The following RPAP2 variants were observed in gnomAD, a reference collection of about 807,000 sequenced individuals.
RPAP2 encodes RNA polymerase II associated protein 2.
Under a neutral mutation model 73.1 loss-of-function variants are expected in RPAP2, and 52 were observed. The ratio of observed to expected loss-of-function variants is 0.71; its 90% CI spans 0.57 to 0.90. The LOEUF is 0.90. Ranked by LOEUF, RPAP2 falls within the 40% of genes least tolerant of loss-of-function variation. The pLI is 0.00. For synonymous variants in RPAP2, 225 were observed against 242.1 expected (o/e 0.93, Z 0.65); for missense variants, 598 against 701.8 (o/e 0.85, Z 1.67).
chr1:92,299,389 G>A (rs1477799144), intron 1 of RPAP2, among the ~76,000 whole-genome samples: 1 of 152,164 alleles, frequency 6.6e-6, no homozygotes, highest in Non-Finnish European at 1.5e-5. Context: ...CCCAGCCTCT[G>A]AGACAAAGGA....
intron 9 of RPAP2, among the ~76,000 whole-genome samples, chr1:92,335,232 C>T (rs1479042544): frequency 6.6e-6 from 1 of 152,134 alleles, no homozygotes; most frequent in Non-Finnish European, 1.5e-5. Flanking sequence ...TATGCCACTG[C>T]ACTCCAGCCT....
intron 8 of RPAP2, among the ~76,000 whole-genome samples, chr1:92,332,434 T>C (rs138848285): frequency 0.014 from 2,110 of 152,262 alleles, 58 homozygotes; most frequent in African/African-American, 0.047. Flanking sequence ...TCCCTGAGGA[T>C]TGATCTCTGT....
rs1553155668 is a variant in RPAP2 at position 92,371,315 on chromosome 1, A to AT, written c.1689-9409_1689-9408insT. Among the ~76,000 whole-genome samples the AT allele has an allele frequency of 3.6e-3, 141 of 39,286 alleles. 1 individual carries two copies. Among genetic ancestry groups the AT allele is most frequent in the East Asian group, 0.067 (2 of 30 alleles). 25.8% of individuals were successfully genotyped at this position (39,286 alleles called of 152,430 possible). A position where few individuals can be genotyped will look rare whatever the true frequency, so the allele number is the denominator to read the frequency against. ...GTGAGTCTCTGTCTCAAAAAAAAAA[A>AT]AAAAATATATATATATATATATACC... On this transcript the variant is annotated intron_variant, in intron 11 of 12. Transcript: ENST00000610020.
rs548680661 is a variant in RPAP2, at chr1:92,377,789, C to T, written c.1689-2935C>T. The stretch of plus-strand genomic sequence containing the variant: ...TTTGTGTTTGTTTGTTTCCTCCTAC[C>T]TAAAGTTTCTCATTAATCCAAGGAT... On this transcript the variant is annotated intron_variant, in intron 11 of 12. Coordinates refer to ENST00000610020, the MANE Select transcript of RPAP2 (RefSeq NM_024813.3). 4.4e-4 allele frequency among the ~76,000 whole-genome samples: 67 copies of T among 152,248 alleles called. 1 individual carries two copies. Among genetic ancestry groups the T allele is most frequent in the East Asian group, 9.7e-4 (5 of 5,178 alleles).
At chr1:92,343,151 G>A (rs1653691743) in intron 10 of RPAP2, among the ~76,000 whole-genome samples, 2 of 152,174 alleles carry the variant, frequency 1.3e-5, no homozygotes. Flanking sequence ...AAGGTCCAAG[G>A]AGAGTGCTCA....
At chr1:92,343,128 A>T (rs1030107379) in intron 10 of RPAP2, among the ~76,000 whole-genome samples, 2 of 152,184 alleles carry the variant, frequency 1.3e-5, no homozygotes, top group Non-Finnish European at 1.5e-5. Context: ...GCCCTGGGAC[A>T]CTCCAGTATT....
At chr1:92,361,348 A>G (rs944207837) in intron 11 of RPAP2, among the ~76,000 whole-genome samples, 1 of 152,166 alleles carries the variant, frequency 6.6e-6, no homozygotes, top group Non-Finnish European at 1.5e-5. Context: ...CCTAGTGCCA[A>G]GCACTTACTC....
intron 11 of RPAP2, among the ~76,000 whole-genome samples, chr1:92,350,492 A>G (rs1014245843): frequency 1.3e-5 from 2 of 152,182 alleles, no homozygotes; most frequent in African/African-American, 4.8e-5. Context: ...TTACTCTTAG[A>G]TCTGATTTTG....
intron 7 of RPAP2, 84 bp from the exon 8 acceptor site, chr1:92,323,361 T>C: frequency 2.1e-6 from 2 of 935,642 alleles, no homozygotes; most frequent in South Asian, 1.8e-5. Flanking sequence ...GTATAAATAC[T>C]ATGGGGTACT....
intron 11 of RPAP2, among the ~76,000 whole-genome samples, chr1:92,368,394 T>G (rs1655014275): frequency 6.6e-6 from 1 of 151,876 alleles, no homozygotes; most frequent in Non-Finnish European, 1.5e-5. Context: ...AAGAAAAAAA[T>G]CCAAGTTCGT....
rs1342272417 is a variant in RPAP2 at position 92,398,595 on chromosome 1, AG to A, written c.*11587del. The A allele has an allele frequency of 6.6e-6, 1 of 152,258 alleles. No individual in the cohort carries two copies. The highest frequency in any genetic ancestry group is 1.5e-5 in the Non-Finnish European group (1 of 68,082). 9.4% of individuals were successfully genotyped at this position (152,258 alleles called of 1,614,324 possible). ...CTAGAAGCACATTTTTGTTGGACTG[AG>A]GGTGGGGCAAGGAGCAGGGGTGACT... On this transcript the variant is annotated 3_prime_UTR_variant, in exon 13 of 13. Transcript: ENST00000610020.
At chr1:92,372,995 C>G (rs147443261) in intron 11 of RPAP2, among the ~76,000 whole-genome samples, 4 of 152,324 alleles carry the variant, frequency 2.6e-5, no homozygotes, top group Admixed American at 6.5e-5. Context: ...TCCTCTTAAA[C>G]TAGTTCTTCA....
rs1656250649 is a variant in RPAP2 at position 92,398,952 on chromosome 1, G to C, written c.*11941G>C. 6.6e-6 allele frequency: 1 copy of C among 152,222 alleles called. No individual in the cohort carries two copies. Among genetic ancestry groups the C allele is most frequent in the South Asian group, 2.1e-4 (1 of 4,834 alleles). The allele number at this position is 152,222 out of a possible 1,614,324, so 9.4% of individuals were successfully genotyped here. ...AACTTTTGTAAAAGGTCCACACCCA[G>C]CCAGTTTTCTACTCTCTAAATGTTC... is the stretch of plus-strand genomic sequence containing the variant. On this transcript the variant is annotated 3_prime_UTR_variant, in exon 13 of 13. Coordinates refer to ENST00000610020, the MANE Select transcript of RPAP2 (RefSeq NM_024813.3).
intron 6 of RPAP2, among the ~76,000 whole-genome samples, chr1:92,314,226 A>G (rs1170606103): frequency 6.6e-6 from 1 of 152,146 alleles, no homozygotes; most frequent in Admixed American, 6.5e-5. Flanking sequence ...CACTAAGCTT[A>G]ATCATTTCTA....
At chr1:92,316,320 CTG>C (rs1336999364) in intron 6 of RPAP2, among the ~76,000 whole-genome samples, 3 of 152,156 alleles carry the variant, frequency 2.0e-5, no homozygotes, top group Non-Finnish European at 4.4e-5. Flanking sequence ...ACAGCCACCT[CTG>C]TTGCTTGGTA....
intron 11 of RPAP2, among the ~76,000 whole-genome samples, chr1:92,368,647 CTT>C (rs752337192): frequency 5.9e-5 from 9 of 152,168 alleles, no homozygotes; most frequent in African/African-American, 1.4e-4. Flanking sequence ...AAATCTCTCT[CTT>C]GATTCAGTTA....
At chr1:92,364,265 T>G (rs2101396251) in intron 11 of RPAP2, among the ~76,000 whole-genome samples, 1 of 152,272 alleles carries the variant, frequency 6.6e-6, no homozygotes, top group Non-Finnish European at 1.5e-5. Context: ...GAAAGCAGAT[T>G]GCAACATTTA....
At chr1:92,350,747 C>T (rs868423801) in intron 11 of RPAP2, among the ~76,000 whole-genome samples, 9 of 152,138 alleles carry the variant, frequency 5.9e-5, no homozygotes, top group East Asian at 3.9e-4. Flanking sequence ...GCCTGGCCAA[C>T]GTGGTGAAAC....
intron 3 of RPAP2, among the ~76,000 whole-genome samples, chr1:92,302,109 C>T (rs1008372547): frequency 1.3e-5 from 2 of 151,982 alleles, no homozygotes; most frequent in South Asian, 2.1e-4. Context: ...GGTGAAACCT[C>T]GTTTCTACTA....
Sources: allele counts gnomAD v4.1 joint callset (sites outside exome capture counted in the v4.1 genomes callset), GRCh38; gene constraint gnomAD v4.1.1; transcripts MANE v1.5; gene names NCBI Gene and HGNC (gene_info 2026-07-23, HGNC 2026-07-21).